The following ADAMTS9 variants were observed in gnomAD, a reference collection of about 807,000 sequenced individuals.
ADAMTS9 encodes the protein ADAM metallopeptidase with thrombospondin type 1 motif 9.
In ADAMTS9, 107 loss-of-function variants were observed where a neutral mutation model predicts 257.1. The observed-to-expected ratio is 0.42, with a 90% CI of 0.36 to 0.49. The LOEUF is 0.49. ADAMTS9 is among the 20% of genes least tolerant of loss of function. The pLI, the probability that ADAMTS9 is intolerant of heterozygous loss-of-function variation, is 0.03. For synonymous variants in ADAMTS9, 982 were observed against 880.9 expected (o/e 1.11, Z -2.03); for missense variants, 2,353 against 2,469.1 (o/e 0.95, Z 1.00).
chr3:64,572,802 G>A (rs149008249), intron 28 of ADAMTS9, among the ~76,000 whole-genome samples: 4,552 of 152,222 alleles, frequency 0.03, 86 homozygotes, highest in Non-Finnish European at 0.044. Flanking sequence ...AGGGGCGGCC[G>A]GGTGCGGTGG....
chr3:64,545,455 G>A (rs1156849295), intron 32 of ADAMTS9, among the ~76,000 whole-genome samples: 1 of 152,180 alleles, frequency 6.6e-6, no homozygotes. Context: ...CATGTCCTTT[G>A]TAGGGACATG....
At chr3:64,525,136 G>T (rs2082895528) in intron 38 of ADAMTS9, among the ~76,000 whole-genome samples, 1 of 152,082 alleles carries the variant, frequency 6.6e-6, no homozygotes, top group Non-Finnish European at 1.5e-5. Flanking sequence ...TAAAACCTGG[G>T]AGTATCCAGA....
intron 29 of ADAMTS9, among the ~76,000 whole-genome samples, chr3:64,567,803 G>T (rs1363649774): frequency 6.6e-6 from 1 of 151,758 alleles, no homozygotes; most frequent in Non-Finnish European, 1.5e-5. Context: ...ATTCATGATT[G>T]CATTAAATCG....
intron 19 of ADAMTS9, among the ~76,000 whole-genome samples, chr3:64,619,179 C>T (rs1382046511): frequency 6.6e-6 from 1 of 152,080 alleles, no homozygotes; most frequent in Non-Finnish European, 1.5e-5. Flanking sequence ...ATACTTAGCA[C>T]TGTAGGCAGG....
Position 64,686,972 on chromosome 3 carries a change from C to A in ADAMTS9, c.116-4G>T, listed in dbSNP as rs772234227. ...CTCAGGGTCTCTAATAATTTCACTG[C>A]GGAGAGAAGCAGAGGTATATGAACC... On this transcript the variant is annotated splice_region_variant and splice_polypyrimidine_tract_variant and intron_variant, in intron 1 of 39. Coordinates refer to ENST00000498707, the MANE Select transcript of ADAMTS9 (RefSeq NM_182920.2). This position sits in a 1 kb window ranked among gnomAD's most constrained non-coding sequence, Gnocchi z 4.6. The A allele has an allele frequency of 7.4e-6, 12 of 1,611,802 alleles. No individual in the cohort carries two copies. The highest frequency in any genetic ancestry group is 1.7e-5 in the Admixed American group (1 of 59,794).
chr3:64,635,775 T>C (rs150093195), intron 12 of ADAMTS9, among the ~76,000 whole-genome samples: 70 of 152,286 alleles, frequency 4.6e-4, no homozygotes, highest in Middle Eastern at 3.4e-3. Flanking sequence ...CTTTTCTTTT[T>C]TGGTGCCATT....
chr3:64,626,724 C>T (rs1700230779), intron 16 of ADAMTS9, among the ~76,000 whole-genome samples: 1 of 152,102 alleles, frequency 6.6e-6, no homozygotes, highest in African/African-American at 2.4e-5. Flanking sequence ...TTTATAAGCC[C>T]AAGAAAGATC....
intron 30 of ADAMTS9, among the ~76,000 whole-genome samples, chr3:64,555,224 G>A (rs1031038329): frequency 1.7e-4 from 26 of 152,022 alleles, no homozygotes; most frequent in Admixed American, 1.6e-3. Flanking sequence ...TGGCAACAAC[G>A]AAAAAAGCAG....
rs761317544 is a variant in ADAMTS9 at position 64,561,689 on chromosome 3, G to T, written c.4587C>A (p.His1529Gln). The change falls in exon 30 of 40, where the codon CAC becomes CAA. Residue 1529 changes from histidine (H) to glutamine (Q), a missense_variant. Physicochemically the swap from His to Gln is conservative, Grantham distance 24. Coordinates refer to ENST00000498707, the MANE Select transcript of ADAMTS9 (RefSeq NM_182920.2). ...QRHVGCQIGT[H>Q]KIARETECNP... ...TGCACTCGGTCTCTCTGGCTATTTT[G>T]TGTGTTCCGATCTGACAGCCCACAT... is the stretch of plus-strand genomic sequence containing the variant. 1.9e-6 allele frequency: 3 copies of T among 1,613,810 alleles called. No individual in the cohort carries two copies. Among genetic ancestry groups the T allele is most frequent in the Non-Finnish European group, 2.5e-6 (3 of 1,179,972 alleles).
intron 16 of ADAMTS9, among the ~76,000 whole-genome samples, chr3:64,630,318 C>T (rs1384069250): frequency 4.6e-5 from 7 of 152,206 alleles, no homozygotes; most frequent in African/African-American, 1.7e-4. Context: ...AATCTCAGCA[C>T]TTTGGGAGGC....
At chr3:64,578,186 G>A (rs2083902382) in intron 28 of ADAMTS9, among the ~76,000 whole-genome samples, 1 of 151,930 alleles carries the variant, frequency 6.6e-6, no homozygotes, top group African/African-American at 2.4e-5. Context: ...CTCCAATTTA[G>A]CATTGCTCTA....
chr3:64,620,694 T>C (rs753675219), intron 19 of ADAMTS9, among the ~76,000 whole-genome samples: 1 of 152,180 alleles, frequency 6.6e-6, no homozygotes, highest in Non-Finnish European at 1.5e-5. Context: ...AACTTTCAGG[T>C]GTGTAGGAGT....
intron 39 of ADAMTS9, 128 bp downstream of exon 39, chr3:64,522,038 A>C (rs2082858896): frequency 1.4e-6 from 1 of 703,326 alleles, no homozygotes; most frequent in African/African-American, 1.8e-5. Flanking sequence ...ATAAAAAGGT[A>C]GAACTGTATT....
intron 3 of ADAMTS9, among the ~76,000 whole-genome samples, chr3:64,662,587 A>G (rs900698828): frequency 6.6e-6 from 1 of 152,134 alleles, no homozygotes; most frequent in Non-Finnish European, 1.5e-5. Flanking sequence ...TTCTGTTATC[A>G]GGTGCATACA....
intron 28 of ADAMTS9, among the ~76,000 whole-genome samples, chr3:64,591,426 C>A (rs1383067796): frequency 6.6e-6 from 1 of 150,600 alleles, no homozygotes; most frequent in African/African-American, 2.5e-5. Flanking sequence ...GGCAACAGAG[C>A]AACACTCTGT....
At position 64,594,327 on chromosome 3, in the gene ADAMTS9, G is replaced by A. The variant is rs774358269; in HGVS notation, c.4287C>T (p.Pro1429=). 28 of 1,613,804 alleles carry A rather than the reference G, an allele frequency of 1.7e-5. No individual in the cohort carries two copies. The Admixed American group carries it at 2.3e-4, about 13-fold the overall frequency. ...DLSCEILDKP[P]DREQCNTHAC... The stretch of plus-strand genomic sequence containing the variant: ...CATGTGTGTTACACTGCTCACGATC[G>A]GGAGGTTTATCAAGAATTTCACAGC... Residue 1429 remains proline, a synonymous_variant, in exon 28 of 40, where the codon CCC becomes CCT. Transcript: ENST00000498707.
intron 26 of ADAMTS9, among the ~76,000 whole-genome samples, chr3:64,600,842 A>G (rs2084446672): frequency 6.6e-6 from 1 of 152,244 alleles, no homozygotes; most frequent in East Asian, 1.9e-4. Context: ...TTACTGAAAC[A>G]TAACCGCAGT....
Position 64,541,336 on chromosome 3 carries a change from C to G in ADAMTS9, c.5371G>C (p.Glu1791Gln), listed in dbSNP as rs3796381. 419 of 1,614,154 alleles carry G rather than the reference C, an allele frequency of 2.6e-4. 2 individuals carry two copies. The East Asian group carries it at 8.7e-3, about 33-fold the overall frequency. The change falls in exon 35 of 40, where the codon GAG becomes CAG. Residue 1791 changes from glutamate to glutamine, a missense_variant. Around this residue, in one of 3 missense-constraint regions of ADAMTS9, gnomAD observed 1,402 missense variants for 1,441.4 expected, o/e 0.97. Transcript: ENST00000498707. Reference sequence around the variant, plus strand: ...CTCTCCTACCTGTGCCCATAAACCTCGGAGAAATTCTCAGAGTCTCCATGC... The same window carrying G: ...CTCTCCTACCTGTGCCCATAAACCTGGGAGAAATTCTCAGAGTCTCCATGC... ...LVHGDSENFS[E>Q]VYGHRLHNPT...
intron 27 of ADAMTS9, among the ~76,000 whole-genome samples, chr3:64,595,372 T>C: frequency 6.6e-6 from 1 of 152,206 alleles, no homozygotes; most frequent in East Asian, 1.9e-4. Flanking sequence ...GTTGTATTTC[T>C]TGGACAGTGC....
Sources: allele counts gnomAD v4.1 joint callset (sites outside exome capture counted in the v4.1 genomes callset), GRCh38; gene constraint gnomAD v4.1.1; regional missense constraint gnomAD v4.1.1; non-coding constraint Gnocchi (gnomAD v3.1); transcripts MANE v1.5; gene names NCBI Gene and HGNC (gene_info 2026-07-23, HGNC 2026-07-21).